NF1: variants seen among roughly 807,000 people sequenced by gnomAD.
NF1 encodes the protein neurofibromin 1, also known as neurofibromin.
Under a neutral mutation model 325.7 loss-of-function variants are expected in NF1, and 122 were observed. The observed-to-expected ratio is 0.37, with a 90% CI of 0.32 to 0.44. The LOEUF is 0.44. Ranked by LOEUF, NF1 falls within the 20% of genes least tolerant of loss-of-function variation. NF1 has a pLI of 1.00. For missense variants in NF1, 2,140 were observed against 3,415.4 expected, an observed-to-expected ratio of 0.63 and a Z score of 9.31; for synonymous variants, 1,091 against 1,186.0, an observed-to-expected ratio of 0.92 and a Z score of 1.65.
intron 1 of NF1, among the ~76,000 whole-genome samples, chr17:31,106,667 A>G (rs946095627): frequency 8.5e-5 from 13 of 152,180 alleles, no homozygotes; most frequent in Non-Finnish European, 1.6e-4. Flanking sequence ...CAAGTTGGTT[A>G]GATGTTAGAA....
rs112178514 is a variant in NF1, at chr17:31,146,409, G to GTCCATCCA, written c.61-9529_61-9522dup. Among the ~76,000 whole-genome samples the GTCCATCCA allele has an allele frequency of 4.0e-3, 595 of 148,628 alleles. 7 individuals carry two copies. Among genetic ancestry groups the GTCCATCCA allele is most frequent in the Admixed American group, 0.019 (277 of 14,806 alleles). ...ACAGATTTAGATATCTAATCTGTCTGTCCATCCATCCATCCATCCATCCAT... is the reference window on the plus strand; with the variant it reads ...ACAGATTTAGATATCTAATCTGTCTGTCCATCCATCCATCCATCCATCCATCCATCCAT... On this transcript the variant is annotated intron_variant, in intron 1 of 57. Transcript: ENST00000358273.
chr17:31,181,376 G>A (rs2143773484), intron 5 of NF1, 46 bp from the exon 6 acceptor site: 1 of 1,515,434 alleles, frequency 6.6e-7, no homozygotes, highest in Non-Finnish European at 9.2e-7. Context: ...TTGTATTTGT[G>A]TTAACTTATT....
intron 54 of NF1, chr17:31,357,605 T>C: frequency 3.6e-6 from 2 of 553,952 alleles, no homozygotes; most frequent in Non-Finnish European, 6.5e-6. Context: ...GTGGTTTATT[T>C]TGATGATCAT....
intron 36 of NF1, among the ~76,000 whole-genome samples, chr17:31,291,376 T>C (rs1356615558): frequency 6.6e-6 from 1 of 152,212 alleles, no homozygotes; most frequent in Non-Finnish European, 1.5e-5. Flanking sequence ...TTCATGTTAA[T>C]GTTACTTCTT....
chr17:31,156,116 T>G lies in NF1; in HGVS notation c.194T>G (p.Val65Gly). ...ISGLTTILKNVNNMRIFGEAA... is the reference protein window; with the variant it reads ...ISGLTTILKNGNNMRIFGEAA... ...GGCCTCACTACTATTTTAAAGAATG[T>G]TAACAATATGGTGAGTATTTGGGTT... Residue 65 changes from valine to glycine, a missense_variant, in exon 2 of 58, where the codon GTT (valine) becomes GGT (glycine). By Grantham distance (109) the Val-to-Gly change is moderately radical. This residue lies in a region of NF1 where 246 missense variants were observed against 347.8 expected (regional missense o/e 0.71). Transcript: ENST00000358273. 2 of 1,613,780 alleles carry G rather than the reference T, an allele frequency of 1.2e-6. No individual in the cohort carries two copies. The highest frequency in any genetic ancestry group is 1.7e-6 in the Non-Finnish European group (2 of 1,179,820).
intron 1 of NF1, among the ~76,000 whole-genome samples, chr17:31,118,061 G>GT (rs1369006257): frequency 6.6e-6 from 1 of 151,424 alleles, no homozygotes; most frequent in African/African-American, 2.4e-5. Context: ...ATACATGGTT[G>GT]TTTTTTAAAC....
At chr17:31,101,544 G>T (rs888176608) in intron 1 of NF1, among the ~76,000 whole-genome samples, 31 of 152,220 alleles carry the variant, frequency 2.0e-4, no homozygotes, top group Admixed American at 1.3e-3. Context: ...TTCCCATTAT[G>T]CCTCTGCATG....
chr17:31,114,039 T>C (rs981799090), intron 1 of NF1, among the ~76,000 whole-genome samples: 6 of 152,152 alleles, frequency 3.9e-5, no homozygotes, highest in African/African-American at 1.4e-4. Context: ...AGGGACTAAA[T>C]TGTAAAGTTA....
chr17:31,122,100 G>A (rs914942029), intron 1 of NF1, among the ~76,000 whole-genome samples: 2 of 152,196 alleles, frequency 1.3e-5, no homozygotes, highest in Non-Finnish European at 2.9e-5. Flanking sequence ...GTTCTGAAGA[G>A]TGTTTCCTGG....
chr17:31,316,021 C>T (rs543346150), intron 36 of NF1, among the ~76,000 whole-genome samples: 1 of 152,056 alleles, frequency 6.6e-6, no homozygotes, highest in Non-Finnish European at 1.5e-5. Context: ...CTCAGCCTCT[C>T]GAGTAGCTAG....
intron 30 of NF1, among the ~76,000 whole-genome samples, chr17:31,249,435 A>G (rs2067456904): frequency 6.6e-6 from 1 of 152,202 alleles, no homozygotes; most frequent in Non-Finnish European, 1.5e-5. Context: ...TGTTGTTGTC[A>G]TCTATTAACC....
chr17:31,181,409 G>T lies in NF1; in HGVS notation c.587-13G>T, dbSNP rs1040272156. ...ATTCTAGAGTTAATTTTTAAAAATT[G>T]TGTTTTTTCCAGAAACAGCATTTAA... On this transcript the variant is annotated splice_polypyrimidine_tract_variant and intron_variant, in intron 5 of 57. Coordinates refer to ENST00000358273, the MANE Select transcript of NF1 (RefSeq NM_001042492.3). 4 of 1,611,150 alleles carry T rather than the reference G, an allele frequency of 2.5e-6. No homozygotes were observed. The African/African-American group carries it at 5.3e-5, about 22-fold the overall frequency.
At chr17:31,122,883 A>G (rs967833666) in intron 1 of NF1, among the ~76,000 whole-genome samples, 18 of 151,898 alleles carry the variant, frequency 1.2e-4, no homozygotes, top group African/African-American at 4.4e-4. Flanking sequence ...TGTTGGCTCT[A>G]CCCTCTTCAT....
chr17:31,153,871 C>G (rs1457538664), intron 1 of NF1, among the ~76,000 whole-genome samples: 1 of 151,732 alleles, frequency 6.6e-6, no homozygotes, highest in Non-Finnish European at 1.5e-5. Flanking sequence ...GCCTCAGCCT[C>G]TCAAAGTGCT....
intron 8 of NF1, among the ~76,000 whole-genome samples, chr17:31,184,692 A>T (rs754673566): frequency 3.9e-5 from 6 of 152,026 alleles, no homozygotes; most frequent in Non-Finnish European, 8.8e-5. Flanking sequence ...AAAATAGAAA[A>T]TGATGAGCTC....
At chr17:31,241,357 T>C (rs2067293532) in intron 29 of NF1, among the ~76,000 whole-genome samples, 1 of 152,238 alleles carries the variant, frequency 6.6e-6, no homozygotes, top group Non-Finnish European at 1.5e-5. Context: ...AGTGTTATTA[T>C]TGACGAGGAC....
intron 5 of NF1, among the ~76,000 whole-genome samples, chr17:31,180,064 C>T (rs1478645522): frequency 2.0e-5 from 3 of 152,094 alleles, no homozygotes. Flanking sequence ...AAGTCGAATC[C>T]CTGAATAGAC....
In NF1 at chr17:31,357,091, G is replaced by T; in HGVS notation, c.7869+1G>T. 1 of 1,613,292 alleles carries T rather than the reference G, an allele frequency of 6.2e-7. No individual in the cohort carries two copies. The highest frequency in any genetic ancestry group is 8.5e-7 in the Non-Finnish European group (1 of 1,179,948). On this transcript the variant is annotated splice_donor_variant, in intron 53 of 57. Transcript: ENST00000358273. LOFTEE classifies it high-confidence loss of function. ...CCAGGCGCTGCTTCTTACTGTTCTA[G>T]TAAGGATTTCCCCTTTTTGAGTCCC...
intron 30 of NF1, chr17:31,252,120 CTTTTT>C (rs1193012915): frequency 2.1e-5 from 3 of 142,292 alleles, no homozygotes; most frequent in Non-Finnish European, 1.4e-5. Flanking sequence ...TTTTAGGTGG[CTTTTT>C]TTTTTTTTTT....
Sources: allele counts gnomAD v4.1 joint callset (sites outside exome capture counted in the v4.1 genomes callset), GRCh38; gene constraint gnomAD v4.1.1; regional missense constraint gnomAD v4.1.1; transcripts MANE v1.5; gene names NCBI Gene and HGNC (gene_info 2026-07-23, HGNC 2026-07-21).